BCL9L: variants seen among roughly 807,000 people sequenced by gnomAD.
BCL9L encodes the protein BCL9 like.
BCL9L carries 19 observed loss-of-function variants against 99.4 expected under a neutral mutation model. The ratio of observed to expected loss-of-function variants is 0.19; its 90% CI spans 0.13 to 0.28. The LOEUF (loss-of-function observed/expected upper bound fraction) is 0.28, where lower values mean the gene tolerates loss of function less well. Ranked by LOEUF, BCL9L falls within the 10% of genes least tolerant of loss-of-function variation. The probability of loss-of-function intolerance (pLI) is 1.00; values close to 1 mark genes in which losing one functional copy is unlikely to be tolerated. For missense variants in BCL9L, 2,023 were observed against 2,101.6 expected (o/e 0.96, Z 0.73); for synonymous variants, 900 against 854.8 (o/e 1.05, Z -0.92).
In BCL9L at chr11:118,908,454, C is replaced by T. The variant is rs780610892; in HGVS notation, c.228G>A (p.Gly76=). The T allele has an allele frequency of 3.7e-6, 6 of 1,614,002 alleles. No individual in the cohort carries two copies. Among genetic ancestry groups the T allele is most frequent in the Admixed American group, 3.3e-5 (2 of 60,002 alleles). ...TGGCCTTGGCCCCATGGTTCCCCGC[C>T]CCCACGCCCTTCGAGCCCACGTTGC... ...PTCNVGSKGV[G]AGNHGAKANQ... Residue 76 remains glycine, a synonymous_variant, in exon 4 of 10, where the codon GGG becomes GGA. Coordinates refer to ENST00000683865, the MANE Select transcript of BCL9L (RefSeq NM_001378213.1).
chr11:118,900,540 T>A lies in BCL9L; in HGVS notation c.3124+79A>T, dbSNP rs1940172155. 2 of 1,521,216 alleles carry A rather than the reference T, an allele frequency of 1.3e-6. No homozygotes were observed. The highest frequency in any genetic ancestry group is 4.0e-5 in the Admixed American group (2 of 50,284). The allele number at this position is 1,521,216 out of a possible 1,614,324, so 94.2% of individuals were successfully genotyped here. On this transcript the variant is annotated intron_variant, in intron 8 of 9. Transcript: ENST00000683865. This position sits in a 1 kb window ranked among gnomAD's most constrained non-coding sequence, Gnocchi z 5.3. Reference sequence around the variant, plus strand: ...CCGTGGTACACAGGCCCTTACTCACTCACTGCCCAGCCCCAGCATGGACAC... The same window carrying A: ...CCGTGGTACACAGGCCCTTACTCACACACTGCCCAGCCCCAGCATGGACAC...
intron 4 of BCL9L, 148 bp from the exon 5 acceptor site, chr11:118,907,750 C>A (rs768339311): frequency 1.4e-4 from 168 of 1,221,438 alleles, no homozygotes; most frequent in Non-Finnish European, 1.8e-4. Context: ...AGCCCGTGGC[C>A]CCCACCACGC....
chr11:118,915,448 G>C (rs1940934489), intron 2 of BCL9L, among the ~76,000 whole-genome samples: 1 of 152,160 alleles, frequency 6.6e-6, no homozygotes, highest in South Asian at 2.1e-4. Context: ...AGGGCCTGTG[G>C]GCATCATATT....
chr11:118,909,454 A>C lies in BCL9L; in HGVS notation c.26+460T>G, dbSNP rs1940685577. On this transcript the variant is annotated intron_variant, in intron 3 of 9. Coordinates refer to ENST00000683865, the MANE Select transcript of BCL9L (RefSeq NM_001378213.1). ...ATCCCCCCTCATTCCACACCAGCTC[A>C]GATTTATTTCAGCTCTGCTGTCCTG... 2.0e-5 allele frequency among the ~76,000 whole-genome samples: 3 copies of C among 152,198 alleles called. No individual in the cohort carries two copies. The South Asian group carries it at 6.2e-4, about 32-fold the overall frequency.
In BCL9L at chr11:118,903,622, A is replaced by C. The variant is rs1357684346; in HGVS notation, c.533-170T>G. On this transcript the variant is annotated intron_variant, in intron 5 of 9. Coordinates refer to ENST00000683865, the MANE Select transcript of BCL9L (RefSeq NM_001378213.1). The surrounding 1 kb of genome is among the most constrained non-coding windows in gnomAD (Gnocchi z 5.6). ...GGTTTCCACGATGGCAAGAGTGGTG[A>C]CCATGTGGAGAGCAGGGACAGAGAA... is the stretch of plus-strand genomic sequence containing the variant. Among the ~76,000 whole-genome samples, 1 of 152,192 alleles carries C rather than the reference A, an allele frequency of 6.6e-6. No individual in the cohort carries two copies. The highest frequency in any genetic ancestry group is 2.1e-4 in the South Asian group (1 of 4,832).
At position 118,921,380 on chromosome 11, in the gene BCL9L, G is replaced by A. The variant is rs1195456516; in HGVS notation, c.-130-2501C>T. Among the ~76,000 whole-genome samples the A allele has an allele frequency of 2.0e-5, 3 of 152,216 alleles. No individual in the cohort carries two copies. The highest frequency in any genetic ancestry group is 7.2e-5 in the African/African-American group (3 of 41,448). ...AAGTCGGATTAGAAGGCAATGCTCT[G>A]GGGAGGAGGGGAGCCTGCAGGGGGT... On this transcript the variant is annotated intron_variant, in intron 1 of 9. Coordinates refer to ENST00000683865, the MANE Select transcript of BCL9L (RefSeq NM_001378213.1). The surrounding 1 kb of genome is among the most constrained non-coding windows in gnomAD (Gnocchi z 5.4).
intron 1 of BCL9L, among the ~76,000 whole-genome samples, chr11:118,920,185 T>C (rs1941100144): frequency 6.6e-6 from 1 of 152,192 alleles, no homozygotes; most frequent in African/African-American, 2.4e-5. Flanking sequence ...ATTCCCATCC[T>C]GAGATCCCAG....
Position 118,898,189 on chromosome 11 carries a change from G to T in BCL9L, c.*226C>A. 1 of 623,186 alleles carries T rather than the reference G, an allele frequency of 1.6e-6. No individual in the cohort carries two copies. The highest frequency in any genetic ancestry group is 2.8e-6 in the Non-Finnish European group (1 of 361,874). The allele number at this position is 623,186 out of a possible 1,614,324, so 38.6% of individuals were successfully genotyped here. A position where few individuals can be genotyped will look rare whatever the true frequency, so the allele number is the denominator to read the frequency against. Reference sequence around the variant, plus strand: ...GGAGTGGGGGAGGGGCAGTCCTGGTGGCCGAAATGGAACCAACCCCAATGC... The same window carrying T: ...GGAGTGGGGGAGGGGCAGTCCTGGTTGCCGAAATGGAACCAACCCCAATGC... On this transcript the variant is annotated 3_prime_UTR_variant, in exon 10 of 10. Transcript: ENST00000683865.
Position 118,900,573 on chromosome 11 carries a change from A to T in BCL9L, c.3124+46T>A. On this transcript the variant is annotated intron_variant, in intron 8 of 9. Transcript: ENST00000683865. This position sits in a 1 kb window ranked among gnomAD's most constrained non-coding sequence, Gnocchi z 5.3. Reference sequence around the variant, plus strand: ...CAGCCCCAGCATGGACACACTGCTCAGCGCCTGCCTGCCTGCCTGCCTGCC... The same window carrying T: ...CAGCCCCAGCATGGACACACTGCTCTGCGCCTGCCTGCCTGCCTGCCTGCC... 1 of 1,553,242 alleles carries T rather than the reference A, an allele frequency of 6.4e-7. No homozygotes were observed. Among genetic ancestry groups the T allele is most frequent in the Non-Finnish European group, 8.7e-7 (1 of 1,151,702 alleles).
rs1591981134 is a variant in BCL9L, at chr11:118,902,415, G to A, written c.1328C>T (p.Pro443Leu). Residue 443 changes from proline (P) to leucine (L), a missense_variant, in exon 8 of 10, where the codon CCA (proline) becomes CTA (leucine). Pro to Leu is a moderately conservative substitution (Grantham distance 98). This residue lies in a region of BCL9L where 1,116 missense variants were observed against 1,194.6 expected (regional missense o/e 0.93). Coordinates refer to ENST00000683865, the MANE Select transcript of BCL9L (RefSeq NM_001378213.1). This position sits in a 1 kb window ranked among gnomAD's most constrained non-coding sequence, Gnocchi z 7.8. ...GGGGGGAGGGGGGGCTTGTGCTGGT[G>A]GGCCCCCCTCACCCGCTCCTCCTGG... is the stretch of plus-strand genomic sequence containing the variant. ...GPPGGAGEGGPPAQAPPPPQQ... is the reference protein window; with the variant it reads ...GPPGGAGEGGLPAQAPPPPQQ... 1 of 1,575,092 alleles carries A rather than the reference G, an allele frequency of 6.3e-7. No individual in the cohort carries two copies. The highest frequency in any genetic ancestry group is 8.6e-7 in the Non-Finnish European group (1 of 1,163,016).
Position 118,901,451 on chromosome 11 carries a change from G to T in BCL9L, c.2292C>A (p.Pro764=). Residue 764 remains proline (P), a synonymous_variant, in exon 8 of 10, where the codon CCC becomes CCA. Coordinates refer to ENST00000683865, the MANE Select transcript of BCL9L (RefSeq NM_001378213.1). The surrounding 1 kb of genome is among the most constrained non-coding windows in gnomAD (Gnocchi z 6.6). The stretch of plus-strand genomic sequence containing the variant: ...TCATGTTGAGGTTGCCTGGCCCCAT[G>T]GGTGGGTCCACCTCCCTCAGCCCAG... ...GQSGLREVDP[P]MGPGNLNMNM... 1 of 1,614,074 alleles carries T rather than the reference G, an allele frequency of 6.2e-7. No individual in the cohort carries two copies. The highest frequency in any genetic ancestry group is 8.5e-7 in the Non-Finnish European group (1 of 1,179,980).
chr11:118,904,141 T>A (rs1392607337), intron 5 of BCL9L, among the ~76,000 whole-genome samples: 3 of 152,088 alleles, frequency 2.0e-5, no homozygotes, highest in African/African-American at 7.2e-5. Context: ...ACTAAAAAAA[T>A]CCATTTGAAA....
At position 118,907,576 on chromosome 11, in the gene BCL9L, AGCGCCGCTTACTCCGCG is replaced by A; in HGVS notation, c.422_438del (p.Pro141LeufsTer21). 1 of 1,613,806 alleles carries A rather than the reference AGCGCCGCTTACTCCGCG, an allele frequency of 6.2e-7. No individual in the cohort carries two copies. Among genetic ancestry groups the A allele is most frequent in the Non-Finnish European group, 8.5e-7 (1 of 1,180,002 alleles). Reference sequence around the variant, plus strand: ...TACGGCTGCTTCCGCTCCAGCACACAGCGCCGCTTACTCCGCGGCGCCACCTCTGCCCAGGCAGGACG... The same window carrying A: ...TACGGCTGCTTCCGCTCCAGCACACAGCGCCACCTCTGCCCAGGCAGGACG... On this transcript the variant is annotated frameshift_variant, in exon 5 of 10. Transcript: ENST00000683865. LOFTEE classifies it high-confidence loss of function.
At position 118,908,625 on chromosome 11, in the gene BCL9L, T is replaced by C. The variant is rs1157884746; in HGVS notation, c.57A>G (p.Pro19=). Residue 19 remains proline (P), a synonymous_variant, in exon 4 of 10, where the codon CCA becomes CCG. Transcript: ENST00000683865. The part of the protein sequence containing the change: ...RLPHPRRREA[P]GSPPLSPRGH... ...CGCGGGGGGACAGCGGCGGGCTCCC[T>C]GGAGCTTCTCTCCTCCTGGGGTGGG... is the stretch of plus-strand genomic sequence containing the variant. The C allele has an allele frequency of 1.2e-6, 2 of 1,612,128 alleles. No individual in the cohort carries two copies. Among genetic ancestry groups the C allele is most frequent in the South Asian group, 1.1e-5 (1 of 91,044 alleles).
rs1385545883 is a variant in BCL9L, at chr11:118,922,027, C to G, written c.-130-3148G>C. On this transcript the variant is annotated intron_variant, in intron 1 of 9. Transcript: ENST00000683865. This position sits in a 1 kb window ranked among gnomAD's most constrained non-coding sequence, Gnocchi z 6.2. ...TTCCTCTCCACAAGGATGCGGGACC[C>G]TCGGGGAGACTGAGGCAGTGTAACA... Among the ~76,000 whole-genome samples the G allele has an allele frequency of 6.6e-6, 1 of 152,168 alleles. No individual in the cohort carries two copies. The highest frequency in any genetic ancestry group is 2.4e-5 in the African/African-American group (1 of 41,430).
Position 118,922,210 on chromosome 11 carries a change from C to G in BCL9L, c.-131+3028G>C, listed in dbSNP as rs555739924. Among the ~76,000 whole-genome samples the G allele has an allele frequency of 5.3e-5, 8 of 152,304 alleles. No individual in the cohort carries two copies. Among genetic ancestry groups the G allele is most frequent in the African/African-American group, 1.9e-4 (8 of 41,570 alleles). ...GTGGGGCTCAGAGGCCTGGCCCTGG[C>G]ACCAGGCAGAGGAAATTCCAGGCTG... On this transcript the variant is annotated intron_variant, in intron 1 of 9. Transcript: ENST00000683865. The surrounding 1 kb of genome is among the most constrained non-coding windows in gnomAD (Gnocchi z 6.2).
At chr11:118,916,885 C>T (rs1278193687) in intron 2 of BCL9L, among the ~76,000 whole-genome samples, 3 of 152,242 alleles carry the variant, frequency 2.0e-5, no homozygotes, top group Admixed American at 6.5e-5. Flanking sequence ...GGAGAGGAGG[C>T]GGCCATTTAA....
intron 2 of BCL9L, among the ~76,000 whole-genome samples, chr11:118,918,039 C>A (rs1259843193): frequency 6.6e-6 from 1 of 152,214 alleles, no homozygotes; most frequent in African/African-American, 2.4e-5. Context: ...AGCAGGACCA[C>A]TTCCTTGGTG....
In BCL9L at chr11:118,902,487, C is replaced by T. The variant is rs1940305153; in HGVS notation, c.1256G>A (p.Arg419Gln). 3 of 1,609,510 alleles carry T rather than the reference C, an allele frequency of 1.9e-6. No homozygotes were observed. Among genetic ancestry groups the T allele is most frequent in the Non-Finnish European group, 2.5e-6 (3 of 1,179,396 alleles). Residue 419 changes from arginine to glutamine, a missense_variant, in exon 8 of 10, where the codon CGA becomes CAA. Arg to Gln is a conservative substitution (Grantham distance 43, BLOSUM62 1). This residue lies in a region of BCL9L where 1,116 missense variants were observed against 1,194.6 expected (regional missense o/e 0.93). Transcript: ENST00000683865. This position sits in a 1 kb window ranked among gnomAD's most constrained non-coding sequence, Gnocchi z 7.8. The stretch of plus-strand genomic sequence containing the variant: ...AGTCTCTCCGCTGCGGAGCAGCAGT[C>T]GCTCAATGTCTCGCAGCGTCTGGAG... Reference protein sequence around the residue: ...RSLQTLRDIERLLLRSGETEP... With the variant: ...RSLQTLRDIEQLLLRSGETEP...
Sources: allele counts gnomAD v4.1 joint callset (sites outside exome capture counted in the v4.1 genomes callset), GRCh38; gene constraint gnomAD v4.1.1; regional missense constraint gnomAD v4.1.1; non-coding constraint Gnocchi (gnomAD v3.1); transcripts MANE v1.5; gene names NCBI Gene and HGNC (gene_info 2026-07-23, HGNC 2026-07-21).